Variants in VWF observed in about 807,000 individuals in gnomAD.
VWF encodes von Willebrand factor.
Under a neutral mutation model 308.6 loss-of-function variants are expected in VWF, and 176 were observed. The ratio of observed to expected loss-of-function variants is 0.57; its 90% CI spans 0.50 to 0.65. VWF has a LOEUF of 0.65. Among genes scored for constraint, VWF ranks in the 30% least tolerant of loss-of-function variants. The probability of loss-of-function intolerance (pLI) is 0.00; values close to 1 mark genes in which losing one functional copy is unlikely to be tolerated. For synonymous variants in VWF, 1,385 were observed against 1,443.4 expected, an observed-to-expected ratio of 0.96 and a Z score of 0.92; for missense variants, 3,146 against 3,648.2, an observed-to-expected ratio of 0.86 and a Z score of 3.55.
chr12:6,031,674 G>A (rs377348580), intron 20 of VWF, 96 bp from the exon 21 acceptor site: 240 of 1,587,174 alleles, frequency 1.5e-4, no homozygotes, highest in South Asian at 3.0e-4. Context: ...CTTTGAGTAC[G>A]TGTCACAGGA....
intron 44 of VWF, among the ~76,000 whole-genome samples, chr12:5,970,043 A>C (rs921937108): frequency 1.3e-5 from 2 of 152,092 alleles, no homozygotes; most frequent in African/African-American, 4.8e-5. Context: ...GCCCTGACCT[A>C]CTTCTCCTGG....
chr12:6,028,502 C>T (rs989183628), intron 22 of VWF, among the ~76,000 whole-genome samples: 1 of 152,062 alleles, frequency 6.6e-6, no homozygotes, highest in Admixed American at 6.5e-5. Context: ...TTAAGGGCAG[C>T]CAGAGAGAAA....
chr12:6,071,429 C>G, intron 9 of VWF, 86 bp from the exon 10 acceptor site: 1 of 1,471,094 alleles, frequency 6.8e-7, no homozygotes, highest in East Asian at 2.3e-5. Flanking sequence ...GTAGTTATCA[C>G]AGTCCCCAAA....
Position 6,073,663 on chromosome 12 carries a change from T to C in VWF, c.953A>G (p.Asn318Ser), listed in dbSNP as rs767084830. ...CARTCQSLHINEMCQERCVDG... is the reference protein window; with the variant it reads ...CARTCQSLHISEMCQERCVDG... ...CACGCATCGCTCCTGACACATTTCA[T>C]TGATGTGCAGGCTCTGGCAGGTCCT... is the stretch of plus-strand genomic sequence containing the variant. The change falls in exon 8 of 52, where the codon AAT becomes AGT. Residue 318 changes from asparagine to serine, a missense_variant. Asn to Ser is a conservative substitution (Grantham distance 46). Coordinates refer to ENST00000261405, the MANE Select transcript of VWF (RefSeq NM_000552.5). 11 of 1,613,990 alleles carry C rather than the reference T, an allele frequency of 6.8e-6. No homozygotes were observed. The highest frequency in any genetic ancestry group is 5.5e-5 in the South Asian group (5 of 91,082).
chr12:6,072,677 G>T (rs1944794704), intron 8 of VWF, among the ~76,000 whole-genome samples: 1 of 152,136 alleles, frequency 6.6e-6, no homozygotes, highest in South Asian at 2.1e-4. Context: ...AGTAGGGGAG[G>T]CACAAGTCTG....
At chr12:6,084,948 C>T (rs1306343934) in intron 6 of VWF, among the ~76,000 whole-genome samples, 3 of 152,216 alleles carry the variant, frequency 2.0e-5, no homozygotes, top group Non-Finnish European at 4.4e-5. Flanking sequence ...AAGATTCTGA[C>T]TCACAAGGAC....
At chr12:5,977,706 C>T (rs922371870) in intron 42 of VWF, among the ~76,000 whole-genome samples, 1 of 151,600 alleles carries the variant, frequency 6.6e-6, no homozygotes, top group Non-Finnish European at 1.5e-5. Context: ...CTTGTCTCTA[C>T]AAAAACATAC....
intron 15 of VWF, among the ~76,000 whole-genome samples, chr12:6,056,148 T>C (rs753195844): frequency 4.1e-5 from 6 of 147,338 alleles, no homozygotes; most frequent in African/African-American, 7.6e-5. Flanking sequence ...TTTCACTTAG[T>C]AGGATAGGTA....
intron 15 of VWF, among the ~76,000 whole-genome samples, chr12:6,055,810 T>C (rs1002321212): frequency 1.7e-5 from 2 of 117,182 alleles, no homozygotes; most frequent in African/African-American, 3.0e-5. Flanking sequence ...GGTCTTTCTC[T>C]GTTGGCCAGG....
chr12:5,976,086 C>A (rs1300447355), intron 43 of VWF, 25 bp downstream of exon 43: 1 of 1,613,180 alleles, frequency 6.2e-7, no homozygotes, highest in Non-Finnish European at 8.5e-7. Context: ...TAGCTGCAGG[C>A]ATGCCCAGCC....
intron 6 of VWF, among the ~76,000 whole-genome samples, chr12:6,085,745 G>A (rs1295229066): frequency 6.6e-6 from 1 of 151,862 alleles, no homozygotes; most frequent in East Asian, 1.9e-4. Flanking sequence ...GCGGGGGCAA[G>A]GAGAGAGCGA....
At chr12:6,016,297 G>A in intron 30 of VWF, 65 bp from the exon 31 acceptor site, 6 of 1,609,286 alleles carry the variant, frequency 3.7e-6, no homozygotes, top group Non-Finnish European at 5.1e-6. Flanking sequence ...TGTCTTAACG[G>A]TGGATCCTTA....
intron 16 of VWF, among the ~76,000 whole-genome samples, chr12:6,050,240 C>T (rs1591884725): frequency 6.6e-6 from 1 of 152,152 alleles, no homozygotes; most frequent in East Asian, 1.9e-4. Flanking sequence ...CTGCAACAGC[C>T]CCTCCTCCTC....
intron 49 of VWF, 97 bp from the exon 50 acceptor site, chr12:5,951,980 C>G: frequency 8.0e-7 from 1 of 1,245,326 alleles, no homozygotes; most frequent in African/African-American, 1.5e-5. Flanking sequence ...AACTCACAGC[C>G]CTGTGCTTAA....
intron 3 of VWF, among the ~76,000 whole-genome samples, chr12:6,112,847 C>T (rs1474087906): frequency 4.0e-5 from 6 of 148,662 alleles, no homozygotes; most frequent in Non-Finnish European, 8.9e-5. Context: ...CACACACACA[C>T]ACACACCACA....
intron 6 of VWF, among the ~76,000 whole-genome samples, chr12:6,092,983 C>G (rs1250427677): frequency 6.6e-6 from 1 of 152,010 alleles, no homozygotes; most frequent in African/African-American, 2.4e-5. Flanking sequence ...ACCCCTTTCT[C>G]CCTTGAAGTG....
rs536264084 is a variant in VWF at position 5,993,877 on chromosome 12, T to A, written c.6583A>T (p.Thr2195Ser). ...GGAGACTCACCACAGAAATCAGGTG[T>A]CCTCCAGTCAACGCAGACCCCGTTG... The part of the protein sequence containing the change: ...RTNGVCVDWR[T>S]PDFCAMSCPP... The change falls in exon 37 of 52, where the codon ACA (threonine) becomes TCA (serine). Residue 2195 changes from threonine (T) to serine (S), a missense_variant. Transcript: ENST00000261405. The A allele has an allele frequency of 6.2e-7, 1 of 1,613,184 alleles. No individual in the cohort carries two copies. Among genetic ancestry groups the A allele is most frequent in the South Asian group, 1.1e-5 (1 of 91,056 alleles).
intron 3 of VWF, 52 bp downstream of exon 3, chr12:6,121,122 A>T (rs6489694): frequency 6.2e-7 from 1 of 1,612,634 alleles, no homozygotes; most frequent in South Asian, 1.1e-5. Context: ...CACCAGGGCT[A>T]AGCTCAGCCA....
At chr12:5,956,069 C>A (rs1326200734) in intron 47 of VWF, among the ~76,000 whole-genome samples, 2 of 152,056 alleles carry the variant, frequency 1.3e-5, no homozygotes, top group Non-Finnish European at 2.9e-5. Context: ...GACAACAGTC[C>A]CATAAAATTA....
Sources: gnomAD v4.1 joint callset for allele counts (sites outside exome capture counted in the v4.1 genomes callset) on GRCh38, gnomAD v4.1.1 for gene constraint, MANE v1.5 for transcripts, NCBI Gene and HGNC (gene_info 2026-07-23, HGNC 2026-07-21) for gene names.